Variants in AGPS observed in about 807,000 individuals in gnomAD.
AGPS encodes alkylglycerone phosphate synthase.
A neutral mutation model predicts 90.7 loss-of-function variants in AGPS; 26 were observed. That is an observed-to-expected ratio of 0.29 (90% CI 0.21 to 0.40). The LOEUF is 0.40. AGPS is among the 10% of genes least tolerant of loss of function. The pLI is 1.00. For synonymous variants in AGPS, 294 were observed against 285.3 expected, an observed-to-expected ratio of 1.03 and a Z score of -0.31; for missense variants, 540 against 816.1, an observed-to-expected ratio of 0.66 and a Z score of 4.12.
intron 9 of AGPS, 109 bp downstream of exon 9, chr2:177,462,127 A>C: frequency 1.1e-6 from 1 of 937,010 alleles, no homozygotes; most frequent in Non-Finnish European, 1.5e-6. Flanking sequence ...GCGGTGGCCA[A>C]TGCCTGTAAT....
chr2:177,481,068 T>C (rs1477962745), intron 10 of AGPS, among the ~76,000 whole-genome samples: 1 of 152,128 alleles, frequency 6.6e-6, no homozygotes, highest in Non-Finnish European at 1.5e-5. Context: ...TCCTGTGTTA[T>C]ATATTGACAA....
At chr2:177,445,677 A>G (rs1403271974) in intron 8 of AGPS, 51 bp downstream of exon 8, 13 of 1,243,402 alleles carry the variant, frequency 1.0e-5, no homozygotes, top group South Asian at 2.9e-5. Context: ...TCTAATATCA[A>G]TTCTGATGTT....
Position 177,482,098 on chromosome 2 carries a change from G to T in AGPS, c.1145G>T (p.Arg382Ile). 1 of 1,605,412 alleles carries T rather than the reference G, an allele frequency of 6.2e-7. No homozygotes were observed. Among genetic ancestry groups the T allele is most frequent in the South Asian group, 1.1e-5 (1 of 90,754 alleles). ...GVITEATIKIRPVPEYQKYGS... is the reference protein window; with the variant it reads ...GVITEATIKIIPVPEYQKYGS... Reference sequence around the variant, plus strand: ...ATAACAGAAGCTACAATAAAAATCAGACCAGTCCCTGAATACCAAAAGTAT... The same window carrying T: ...ATAACAGAAGCTACAATAAAAATCATACCAGTCCCTGAATACCAAAAGTAT... Residue 382 changes from arginine to isoleucine, a missense_variant, in exon 11 of 20, where the codon AGA becomes ATA. By Grantham distance (97) the Arg-to-Ile change is moderately conservative (BLOSUM62 -3). This residue lies in a region of AGPS where 405 missense variants were observed against 692.1 expected (regional missense o/e 0.59). Coordinates refer to ENST00000264167, the MANE Select transcript of AGPS (RefSeq NM_003659.4).
At chr2:177,449,982 C>T (rs191383229) in intron 8 of AGPS, among the ~76,000 whole-genome samples, 24 of 152,014 alleles carry the variant, frequency 1.6e-4, no homozygotes, top group Admixed American at 5.2e-4. Context: ...GGACTACAGG[C>T]GCCCACCACC....
chr2:177,394,149 G>A (rs955483326), intron 1 of AGPS, among the ~76,000 whole-genome samples: 1 of 152,142 alleles, frequency 6.6e-6, no homozygotes, highest in Admixed American at 6.5e-5. Context: ...CAACATACAT[G>A]AGTCTTTACA....
intron 2 of AGPS, 56 bp from the exon 3 acceptor site, chr2:177,434,271 T>TTTAAATTTAAAGC: frequency 3.1e-6 from 4 of 1,309,508 alleles, no homozygotes; most frequent in Non-Finnish European, 3.3e-6. Context: ...GAATTTAAGC[T>TTTAAATTTAAAGC]TTAAATTTAA....
chr2:177,443,069 CT>C (rs1686656422), intron 7 of AGPS, among the ~76,000 whole-genome samples: 1 of 151,486 alleles, frequency 6.6e-6, no homozygotes, highest in Non-Finnish European at 1.5e-5. Flanking sequence ...CTTTATCTTT[CT>C]TTTTTTTCTA....
At chr2:177,456,097 G>A (rs553006759) in intron 8 of AGPS, among the ~76,000 whole-genome samples, 1 of 152,188 alleles carries the variant, frequency 6.6e-6, no homozygotes, top group East Asian at 1.9e-4. Context: ...AAAGCAGGAG[G>A]AATGCTTGAG....
At chr2:177,482,864 G>GTC (rs926035127) in intron 11 of AGPS, among the ~76,000 whole-genome samples, 1 of 151,848 alleles carries the variant, frequency 6.6e-6, no homozygotes, top group African/African-American at 2.4e-5. Flanking sequence ...AAATTTCTAC[G>GTC]TCTCTCTCGG....
At chr2:177,424,106 C>T (rs1686011220) in intron 2 of AGPS, among the ~76,000 whole-genome samples, 1 of 152,104 alleles carries the variant, frequency 6.6e-6, no homozygotes, top group East Asian at 1.9e-4. Flanking sequence ...TGATGCTCTC[C>T]CTCCTTCTAC....
intron 19 of AGPS, among the ~76,000 whole-genome samples, chr2:177,533,009 A>T (rs1468432865): frequency 2.0e-5 from 3 of 152,154 alleles, no homozygotes; most frequent in African/African-American, 7.2e-5. Context: ...CAGCGCAGGG[A>T]TCCTTAGTTT....
At chr2:177,456,133 C>T (rs1208386594) in intron 8 of AGPS, among the ~76,000 whole-genome samples, 1 of 152,168 alleles carries the variant, frequency 6.6e-6, no homozygotes, top group Non-Finnish European at 1.5e-5. Flanking sequence ...TGCAATGAGC[C>T]ATGATTGTGC....
intron 11 of AGPS, 35 bp downstream of exon 11, chr2:177,482,221 A>G: frequency 8.8e-7 from 1 of 1,140,428 alleles, no homozygotes; most frequent in Non-Finnish European, 1.2e-6. Context: ...ACATACATAC[A>G]TATATGTTTA....
intron 10 of AGPS, among the ~76,000 whole-genome samples, chr2:177,478,789 G>A (rs1037071679): frequency 1.3e-5 from 2 of 151,830 alleles, no homozygotes; most frequent in Non-Finnish European, 2.9e-5. Flanking sequence ...AGAAGGGATA[G>A]TTCTGGAGAT....
chr2:177,501,659 G>A (rs1271838945), intron 14 of AGPS, among the ~76,000 whole-genome samples: 1 of 151,820 alleles, frequency 6.6e-6, no homozygotes, highest in African/African-American at 2.4e-5. Context: ...TTTTTTGTTT[G>A]TTTGTTTTTG....
chr2:177,500,387 ACTAAT>A (rs1470391539), intron 14 of AGPS, among the ~76,000 whole-genome samples: 2 of 152,056 alleles, frequency 1.3e-5, no homozygotes, highest in East Asian at 3.8e-4. Flanking sequence ...GTTTCTAGAC[ACTAAT>A]CTTTTCTTTT....
chr2:177,485,887 A>C lies in AGPS; in HGVS notation c.1233+3701A>C, dbSNP rs138559389. On this transcript the variant is annotated intron_variant, in intron 11 of 19. Transcript: ENST00000264167. Reference sequence around the variant, plus strand: ...AGTCGTGATCGTGCCACTGTACTTCAGCCTGGGCAACAGAGCAAGACCCTA... The same window carrying C: ...AGTCGTGATCGTGCCACTGTACTTCCGCCTGGGCAACAGAGCAAGACCCTA... 6.5e-3 allele frequency among the ~76,000 whole-genome samples: 989 copies of C among 152,322 alleles called. 9 individuals carry two copies. Among genetic ancestry groups the C allele is most frequent in the African/African-American group, 0.023 (948 of 41,566 alleles).
chr2:177,485,738 G>A (rs1253476878), intron 11 of AGPS, among the ~76,000 whole-genome samples: 3 of 151,990 alleles, frequency 2.0e-5, no homozygotes, highest in South Asian at 2.1e-4. Flanking sequence ...GCAACATGGC[G>A]AAACCCTGTC....
In AGPS at chr2:177,468,416, G is replaced by A; in HGVS notation, c.997G>A (p.Val333Met). ...KNIYGNIEDLVVHIKMVTPRG... is the reference protein window; with the variant it reads ...KNIYGNIEDLMVHIKMVTPRG... ...TTACATCGTGTATTGTATTAAACAG[G>A]TGGTTCATATAAAAATGGTAACACC... Residue 333 changes from valine to methionine, a missense_variant and splice_region_variant, in exon 10 of 20, where the codon GTG (valine) becomes ATG (methionine). Transcript: ENST00000264167. 4 of 1,583,802 alleles carry A rather than the reference G, an allele frequency of 2.5e-6. No individual in the cohort carries two copies. The highest frequency in any genetic ancestry group is 3.5e-6 in the Non-Finnish European group (4 of 1,153,970).
Sources: allele counts gnomAD v4.1 joint callset (sites outside exome capture counted in the v4.1 genomes callset), GRCh38; gene constraint gnomAD v4.1.1; regional missense constraint gnomAD v4.1.1; transcripts MANE v1.5; gene names NCBI Gene and HGNC (gene_info 2026-07-23, HGNC 2026-07-21).